The following RERE variants were observed in gnomAD, a reference collection of about 807,000 sequenced individuals.
RERE encodes the protein arginine-glutamic acid dipeptide repeats.
RERE carries 40 observed loss-of-function variants against 146.1 expected under a neutral mutation model. That is an observed-to-expected ratio of 0.27 (90% CI 0.21 to 0.36). The LOEUF is 0.36. Ranked by LOEUF, RERE falls within the 10% of genes least tolerant of loss-of-function variation. RERE has a pLI of 1.00. For synonymous variants in RERE, 1,003 were observed against 866.0 expected (o/e 1.16, Z -2.78); for missense variants, 1,933 against 2,138.7 (o/e 0.90, Z 1.90).
Position 8,786,694 on chromosome 1 carries a change from C to T in RERE, c.-145+30466G>A, listed in dbSNP as rs1166423132. On this transcript the variant is annotated intron_variant, in intron 1 of 22. Coordinates refer to ENST00000400908, the MANE Select transcript of RERE (RefSeq NM_001042681.2). ...GGCCAATTTGGGTTCTGCAGGTACA[C>T]AGAAGTTGCCAGCTTTTCTTGCCAT... The T allele has an allele frequency of 1.4e-5, 11 of 786,656 alleles. 1 individual carries two copies. Among genetic ancestry groups the T allele is most frequent in the Admixed American group, 8.5e-5 (5 of 58,946 alleles). 48.7% of individuals were successfully genotyped at this position (786,656 alleles called of 1,614,324 possible).
intron 1 of RERE, among the ~76,000 whole-genome samples, chr1:8,768,880 T>C (rs1640894834): frequency 6.6e-6 from 1 of 152,124 alleles, no homozygotes; most frequent in Non-Finnish European, 1.5e-5. Flanking sequence ...AGAGAAACCG[T>C]GTACTTAGAG....
intron 12 of RERE, among the ~76,000 whole-genome samples, chr1:8,393,931 G>A (rs1642968073): frequency 6.6e-6 from 1 of 152,056 alleles, no homozygotes; most frequent in Non-Finnish European, 1.5e-5. Flanking sequence ...TCAGATGATA[G>A]GAGCTCAAGG....
chr1:8,758,303 C>T (rs533986760), intron 1 of RERE, among the ~76,000 whole-genome samples: 1 of 151,766 alleles, frequency 6.6e-6, no homozygotes, highest in Admixed American at 6.6e-5. Flanking sequence ...AGGCTGGTCT[C>T]GATCTCCTGA....
intron 4 of RERE, among the ~76,000 whole-genome samples, chr1:8,591,653 T>G (rs1270651860): frequency 1.3e-5 from 2 of 151,954 alleles, no homozygotes; most frequent in Non-Finnish European, 2.9e-5. Flanking sequence ...GACTTAGGAG[T>G]ACTAGTTTCT....
chr1:8,574,904 G>A (rs1570458273), intron 4 of RERE, among the ~76,000 whole-genome samples: 1 of 152,236 alleles, frequency 6.6e-6, no homozygotes, highest in East Asian at 1.9e-4. Context: ...GTTCTTTCAT[G>A]AATATATATT....
chr1:8,790,770 G>T (rs1453309701), intron 1 of RERE, among the ~76,000 whole-genome samples: 1 of 152,228 alleles, frequency 6.6e-6, no homozygotes, highest in Non-Finnish European at 1.5e-5. Flanking sequence ...ATTTTTAGTA[G>T]AGATGGGTTT....
In RERE at chr1:8,359,763, C is replaced by T; in HGVS notation, c.3618+1G>A. ...TCACACCTCGCCAACCCTGGACTCACAGCCGCCCGCTCTGCCTCGCGCTCC... is the reference window on the plus strand; with the variant it reads ...TCACACCTCGCCAACCCTGGACTCATAGCCGCCCGCTCTGCCTCGCGCTCC... On this transcript the variant is annotated splice_donor_variant, in intron 19 of 22. Transcript: ENST00000400908. LOFTEE classifies it high-confidence loss of function. 6.3e-7 allele frequency: 1 copy of T among 1,599,614 alleles called. No homozygotes were observed.
At chr1:8,714,638 T>G (rs1350983285) in intron 1 of RERE, among the ~76,000 whole-genome samples, 2 of 152,180 alleles carry the variant, frequency 1.3e-5, no homozygotes, top group Non-Finnish European at 2.9e-5. Flanking sequence ...AAGGGAAGTC[T>G]TCTTCCAACA....
At chr1:8,500,395 T>G (rs1329313203) in intron 8 of RERE, among the ~76,000 whole-genome samples, 1 of 152,244 alleles carries the variant, frequency 6.6e-6, no homozygotes. Flanking sequence ...ATTGATGAGT[T>G]GGAGACGGGG....
chr1:8,621,709 A>C (rs1293680009), intron 3 of RERE, among the ~76,000 whole-genome samples: 1 of 152,202 alleles, frequency 6.6e-6, no homozygotes, highest in African/African-American at 2.4e-5. Context: ...TTGCTCCACT[A>C]GTCATGTTAT....
In RERE at chr1:8,423,728, C is replaced by G; in HGVS notation, c.1204-921G>C. 1 of 978,536 alleles carries G rather than the reference C, an allele frequency of 1.0e-6. No homozygotes were observed. The highest frequency in any genetic ancestry group is 1.2e-6 in the Non-Finnish European group (1 of 826,424). 60.6% of individuals were successfully genotyped at this position (978,536 alleles called of 1,614,324 possible). ...GGCGTGTGACCGCGGCGGGGCCGCG[C>G]GGCGCGGGGCCCGGGGGGCGCGGGG... is the stretch of plus-strand genomic sequence containing the variant. On this transcript the variant is annotated intron_variant, in intron 11 of 22. Coordinates refer to ENST00000400908, the MANE Select transcript of RERE (RefSeq NM_001042681.2). The surrounding 1 kb of genome is among the most constrained non-coding windows in gnomAD (Gnocchi z 5.4).
intron 11 of RERE, among the ~76,000 whole-genome samples, chr1:8,432,628 A>C (rs1033845383): frequency 3.9e-5 from 6 of 152,214 alleles, no homozygotes; most frequent in African/African-American, 7.2e-5. Flanking sequence ...CAAATTGTGG[A>C]TTCCTTTCCA....
intron 11 of RERE, among the ~76,000 whole-genome samples, chr1:8,440,878 C>T (rs1644238417): frequency 6.6e-6 from 1 of 150,598 alleles, no homozygotes; most frequent in Non-Finnish European, 1.5e-5. Context: ...GCCTCGGTGA[C>T]AGAGGGAGAC....
intron 1 of RERE, among the ~76,000 whole-genome samples, chr1:8,746,038 C>T (rs1404761718): frequency 6.6e-6 from 1 of 152,220 alleles, no homozygotes; most frequent in Non-Finnish European, 1.5e-5. Context: ...GCACTGCAGC[C>T]TGGGCTGCTG....
intron 10 of RERE, among the ~76,000 whole-genome samples, chr1:8,477,180 TA>T (rs1424505801): frequency 2.0e-5 from 3 of 152,300 alleles, no homozygotes; most frequent in East Asian, 3.9e-4. Flanking sequence ...TCTTTTTTTA[TA>T]AATGCGAGAT....
intron 1 of RERE, among the ~76,000 whole-genome samples, chr1:8,722,299 T>G (rs559104108): frequency 1.3e-5 from 2 of 152,228 alleles, no homozygotes; most frequent in South Asian, 4.1e-4. Context: ...TTTCTGAAAC[T>G]CAATTCTGGT....
intron 15 of RERE, 42 bp from the exon 16 acceptor site, chr1:8,362,886 T>TCCCCATGTGGAC: frequency 3.2e-6 from 5 of 1,582,428 alleles, no homozygotes; most frequent in Non-Finnish European, 4.3e-6. Flanking sequence ...AGATTCCCAG[T>TCCCCATGTGGAC]CCCCATGTGG....
At chr1:8,595,158 C>CAAA (rs1050957833) in intron 4 of RERE, among the ~76,000 whole-genome samples, 2 of 66,364 alleles carry the variant, frequency 3.0e-5, no homozygotes, top group African/African-American at 5.4e-5. Context: ...AGACCGTGTC[C>CAAA]AAAAAAAAAA....
At chr1:8,813,250 A>G (rs1385846107) in intron 1 of RERE, among the ~76,000 whole-genome samples, 3 of 152,222 alleles carry the variant, frequency 2.0e-5, no homozygotes, top group African/African-American at 7.2e-5. Flanking sequence ...GTTCACAGCT[A>G]GGTTACACTA....
Sources: allele counts gnomAD v4.1 joint callset (sites outside exome capture counted in the v4.1 genomes callset), GRCh38; gene constraint gnomAD v4.1.1; non-coding constraint Gnocchi (gnomAD v3.1); transcripts MANE v1.5; gene names NCBI Gene and HGNC (gene_info 2026-07-23, HGNC 2026-07-21).